GRID2: variants seen among roughly 807,000 people sequenced by gnomAD.
GRID2 encodes the protein glutamate receptor ionotropic, delta-2.
In GRID2, 33 loss-of-function variants were observed where a neutral mutation model predicts 114.8. The observed-to-expected ratio is 0.29, with a 90% CI of 0.22 to 0.38. GRID2 has a LOEUF of 0.38. GRID2 is among the 10% of genes least tolerant of loss of function. The pLI is 1.00. For synonymous variants in GRID2, 505 were observed against 449.9 expected, an observed-to-expected ratio of 1.12 and a Z score of -1.55; for missense variants, 1,184 against 1,257.7, an observed-to-expected ratio of 0.94 and a Z score of 0.89.
At chr4:92,918,169 T>C (rs1578466853) in intron 2 of GRID2, among the ~76,000 whole-genome samples, 1 of 152,266 alleles carries the variant, frequency 6.6e-6, no homozygotes, top group Non-Finnish European at 1.5e-5. Flanking sequence ...TATTGGTGTA[T>C]AAGAATGATT....
chr4:92,482,664 C>T (rs1051266998), intron 1 of GRID2, among the ~76,000 whole-genome samples: 5 of 152,010 alleles, frequency 3.3e-5, no homozygotes, highest in Non-Finnish European at 7.4e-5. Flanking sequence ...TTAATTTGGT[C>T]TTATCAAATC....
In GRID2 at chr4:93,523,662, C is replaced by T. The variant is rs116545704; in HGVS notation, c.2193+8251C>T. Among the ~76,000 whole-genome samples the T allele has an allele frequency of 2.1e-3, 318 of 152,192 alleles. 1 individual carries two copies. The highest frequency in any genetic ancestry group is 7.2e-3 in the African/African-American group (300 of 41,528). ...AGTGTAGGTTGGCAGGAGGGGTGAG[C>T]ATATTGCCAGGTGCTTACTGAGGTG... is the stretch of plus-strand genomic sequence containing the variant. On this transcript the variant is annotated intron_variant, in intron 13 of 15. Transcript: ENST00000282020.
intron 8 of GRID2, among the ~76,000 whole-genome samples, chr4:93,357,498 T>C (rs1160473699): frequency 4.0e-5 from 6 of 151,538 alleles, no homozygotes; most frequent in African/African-American, 1.4e-4. Context: ...GTTATCAAAC[T>C]ATTAATTTTC....
Position 92,560,533 on chromosome 4 carries a change from T to C in GRID2, c.89-29598T>C, listed in dbSNP as rs76099910. On this transcript the variant is annotated intron_variant, in intron 1 of 15. Coordinates refer to ENST00000282020, the MANE Select transcript of GRID2 (RefSeq NM_001510.4). ...TGCAAAATACTAAAGTCCCTTATGA[T>C]AGTGTTTAATCCTTTATTGATCAAT... Among the ~76,000 whole-genome samples, 90 of 152,308 alleles carry C rather than the reference T, an allele frequency of 5.9e-4. No individual in the cohort carries two copies. The East Asian group carries it at 7.1e-3, about 12-fold the overall frequency.
intron 11 of GRID2, among the ~76,000 whole-genome samples, chr4:93,462,825 A>C (rs1723877381): frequency 6.6e-6 from 1 of 152,228 alleles, no homozygotes; most frequent in Non-Finnish European, 1.5e-5. Context: ...CCATTTCTTT[A>C]TATTGTTACC....
chr4:92,804,287 G>A (rs1274882933), intron 2 of GRID2, among the ~76,000 whole-genome samples: 1 of 151,838 alleles, frequency 6.6e-6, no homozygotes, highest in African/African-American at 2.4e-5. Flanking sequence ...TTTAATTATT[G>A]TATTTTACAA....
At chr4:92,587,803 A>AAT (rs1728518515) in intron 1 of GRID2, among the ~76,000 whole-genome samples, 1 of 152,162 alleles carries the variant, frequency 6.6e-6, no homozygotes, top group Non-Finnish European at 1.5e-5. Context: ...TGTTTAAGGC[A>AAT]ATATTAAGTG....
intron 2 of GRID2, among the ~76,000 whole-genome samples, chr4:92,604,759 T>A (rs1179099585): frequency 1.3e-5 from 2 of 152,118 alleles, no homozygotes; most frequent in Non-Finnish European, 2.9e-5. Context: ...CAAACCACTG[T>A]CCTTCAGCTT....
At chr4:92,550,565 T>A (rs1457566391) in intron 1 of GRID2, among the ~76,000 whole-genome samples, 6 of 152,208 alleles carry the variant, frequency 3.9e-5, no homozygotes, top group Non-Finnish European at 4.4e-5. Flanking sequence ...GATTGTTTAC[T>A]CTAAAAATAT....
chr4:93,177,658 A>G (rs1051111148), intron 4 of GRID2, among the ~76,000 whole-genome samples: 6 of 152,212 alleles, frequency 3.9e-5, no homozygotes, highest in Admixed American at 3.9e-4. Context: ...TTAGGGAAAA[A>G]ATTTTAAAGC....
intron 8 of GRID2, among the ~76,000 whole-genome samples, chr4:93,313,869 A>G (rs940331132): frequency 9.9e-5 from 15 of 152,176 alleles, no homozygotes; most frequent in African/African-American, 3.4e-4. Flanking sequence ...TGTGACTGTA[A>G]TGGTTCTTTG....
exon 2 of GRID2, chr4:93,807,404 ACAGAATTCTCTC>A (rs1487090560): frequency 6.6e-6 from 1 of 152,196 alleles, no homozygotes; most frequent in Non-Finnish European, 1.5e-5. Context: ...AGGTTTTATC[ACAGAATTCTCTC>A]CATATTTCTA....
intron 2 of GRID2, among the ~76,000 whole-genome samples, chr4:92,794,144 G>A (rs1210451955): frequency 6.6e-6 from 1 of 151,758 alleles, no homozygotes; most frequent in African/African-American, 2.4e-5. Context: ...TTGAGTCAGA[G>A]TTCTTACTAT....
intron 2 of GRID2, among the ~76,000 whole-genome samples, chr4:92,966,236 A>G (rs920246752): frequency 2.0e-5 from 3 of 151,908 alleles, no homozygotes; most frequent in African/African-American, 7.2e-5. Flanking sequence ...TCAAGTCATG[A>G]CATAAGAAAA....
chr4:93,733,942 T>C (rs1473245670), intron 14 of GRID2, among the ~76,000 whole-genome samples: 2 of 152,090 alleles, frequency 1.3e-5, no homozygotes, highest in Non-Finnish European at 2.9e-5. Context: ...ATTTTTACCT[T>C]GCCCAAAACC....
At chr4:92,789,035 A>G (rs1298883384) in intron 2 of GRID2, among the ~76,000 whole-genome samples, 2 of 151,806 alleles carry the variant, frequency 1.3e-5, no homozygotes. Context: ...TATTTGTATT[A>G]TTTACTTAAA....
At chr4:93,805,724 T>G (rs971992531) in intron 1 of GRID2, among the ~76,000 whole-genome samples, 1 of 152,160 alleles carries the variant, frequency 6.6e-6, no homozygotes, top group South Asian at 2.1e-4. Flanking sequence ...TGATTTACAG[T>G]TTTTGATTCT....
chr4:92,781,047 C>A (rs925870669), intron 2 of GRID2, among the ~76,000 whole-genome samples: 7 of 152,006 alleles, frequency 4.6e-5, no homozygotes, highest in Non-Finnish European at 8.8e-5. Context: ...GAGTTTGAGA[C>A]CAGCTTAACC....
At chr4:92,360,823 A>G (rs1728581128) in intron 1 of GRID2, among the ~76,000 whole-genome samples, 1 of 151,968 alleles carries the variant, frequency 6.6e-6, no homozygotes, top group South Asian at 2.1e-4. Flanking sequence ...CCTGATTCAA[A>G]GTGATCTCCA....
Sources: gnomAD v4.1 joint callset for allele counts (sites outside exome capture counted in the v4.1 genomes callset) on GRCh38, gnomAD v4.1.1 for gene constraint, MANE v1.5 for transcripts, NCBI Gene and HGNC (gene_info 2026-07-23, HGNC 2026-07-21) for gene names.